Variants in ADGRB3 observed in about 807,000 individuals in gnomAD.
ADGRB3 encodes the protein brain-specific angiogenesis inhibitor 3.
ADGRB3 carries 37 observed loss-of-function variants against 193.4 expected under a neutral mutation model. The ratio of observed to expected loss-of-function variants is 0.19; its 90% confidence interval spans 0.15 to 0.25. The LOEUF is 0.25. ADGRB3 is among the 10% of genes least tolerant of loss of function. The pLI, the probability that ADGRB3 is intolerant of heterozygous loss-of-function variation, is 1.00. For synonymous variants in ADGRB3, 690 were observed against 644.2 expected (o/e 1.07, Z -1.08); for missense variants, 1,637 against 1,852.9 (o/e 0.88, Z 2.14).
chr6:69,090,013 G>T (rs1414240853), intron 17 of ADGRB3, among the ~76,000 whole-genome samples: 1 of 152,174 alleles, frequency 6.6e-6, no homozygotes, highest in African/African-American at 2.4e-5. Flanking sequence ...TAAGTACTGT[G>T]TGCATTTTTG....
At chr6:69,001,457 A>G (rs2150279082) in intron 11 of ADGRB3, among the ~76,000 whole-genome samples, 1 of 152,348 alleles carries the variant, frequency 6.6e-6, no homozygotes. Context: ...ATTTTTAGAA[A>G]GATGGTCTGA....
At chr6:68,920,614 G>A (rs533338695) in intron 3 of ADGRB3, among the ~76,000 whole-genome samples, 48 of 151,280 alleles carry the variant, frequency 3.2e-4, no homozygotes, top group South Asian at 2.3e-3. Flanking sequence ...CTACGAGTGA[G>A]TAGAGAAGTA....
intron 3 of ADGRB3, among the ~76,000 whole-genome samples, chr6:68,925,207 A>G (rs1337978575): frequency 1.3e-5 from 2 of 151,970 alleles, no homozygotes; most frequent in South Asian, 4.1e-4. Context: ...TAACATTTTT[A>G]AACACTATTA....
At chr6:68,643,152 A>G (rs1414450024) in intron 3 of ADGRB3, among the ~76,000 whole-genome samples, 1 of 152,182 alleles carries the variant, frequency 6.6e-6, no homozygotes, top group Non-Finnish European at 1.5e-5. Flanking sequence ...GGATCTCTGT[A>G]TAGATTCCAG....
chr6:69,224,841 C>T (rs559694029), intron 17 of ADGRB3, among the ~76,000 whole-genome samples: 1 of 152,204 alleles, frequency 6.6e-6, no homozygotes, highest in Non-Finnish European at 1.5e-5. Flanking sequence ...CTTAAAATTA[C>T]ATAAATTAAA....
chr6:69,387,233 A>G (rs2127243940), intron 31 of ADGRB3, among the ~76,000 whole-genome samples: 1 of 152,208 alleles, frequency 6.6e-6, no homozygotes, highest in Middle Eastern at 3.4e-3. Flanking sequence ...GCTGATTATG[A>G]CTTCATCCTC....
chr6:69,370,510 C>T (rs987664083), intron 29 of ADGRB3, among the ~76,000 whole-genome samples: 1 of 151,984 alleles, frequency 6.6e-6, no homozygotes, highest in Non-Finnish European at 1.5e-5. Flanking sequence ...TCTGCTATGC[C>T]TTATGTTAGA....
intron 17 of ADGRB3, among the ~76,000 whole-genome samples, chr6:69,227,098 C>A (rs1193118464): frequency 1.3e-5 from 2 of 152,122 alleles, no homozygotes; most frequent in Non-Finnish European, 2.9e-5. Context: ...GTGATAACAT[C>A]TCTGATAGGA....
chr6:69,356,605 T>C (rs1769342540), intron 28 of ADGRB3, among the ~76,000 whole-genome samples: 1 of 152,064 alleles, frequency 6.6e-6, no homozygotes, highest in Non-Finnish European at 1.5e-5. Context: ...GACATAAGAT[T>C]TCCATTCCAC....
intron 3 of ADGRB3, among the ~76,000 whole-genome samples, chr6:68,796,591 C>T (rs1462639288): frequency 6.6e-6 from 1 of 152,082 alleles, no homozygotes; most frequent in Non-Finnish European, 1.5e-5. Flanking sequence ...TATGTTTGCC[C>T]ATCTTTGAGG....
chr6:68,939,731 C>T (rs973997093), intron 5 of ADGRB3, among the ~76,000 whole-genome samples: 15 of 151,934 alleles, frequency 9.9e-5, no homozygotes, highest in Non-Finnish European at 5.9e-5. Context: ...CTAACATATC[C>T]TGAAAATAGT....
intron 3 of ADGRB3, among the ~76,000 whole-genome samples, chr6:68,765,499 A>G (rs937863922): frequency 1.3e-5 from 2 of 150,808 alleles, no homozygotes; most frequent in Non-Finnish European, 3.0e-5. Flanking sequence ...TTAGATCATC[A>G]TTGCAAAAAC....
intron 24 of ADGRB3, among the ~76,000 whole-genome samples, chr6:69,336,150 C>T (rs547764737): frequency 1.4e-4 from 21 of 151,818 alleles, no homozygotes; most frequent in Admixed American, 1.2e-3. Flanking sequence ...ATTTTATACT[C>T]AGGTATTAAG....
intron 17 of ADGRB3, among the ~76,000 whole-genome samples, chr6:69,082,904 A>T (rs533389929): frequency 3.3e-5 from 5 of 152,194 alleles, no homozygotes; most frequent in Non-Finnish European, 7.4e-5. Context: ...TCCTCCAAAA[A>T]CAATTCGTAT....
intron 15 of ADGRB3, among the ~76,000 whole-genome samples, chr6:69,054,081 G>A (rs1348093510): frequency 1.3e-5 from 2 of 152,106 alleles, no homozygotes; most frequent in Non-Finnish European, 1.5e-5. Flanking sequence ...TAACATTAAA[G>A]ACATTATAAA....
intron 16 of ADGRB3, among the ~76,000 whole-genome samples, chr6:69,067,358 T>A (rs1391004369): frequency 6.6e-6 from 1 of 152,182 alleles, no homozygotes; most frequent in Non-Finnish European, 1.5e-5. Flanking sequence ...TTGTTTTATG[T>A]GTATAAACCA....
intron 17 of ADGRB3, among the ~76,000 whole-genome samples, chr6:69,147,889 T>C (rs1052225621): frequency 1.3e-5 from 2 of 152,210 alleles, no homozygotes; most frequent in Non-Finnish European, 2.9e-5. Flanking sequence ...TTTATTATTA[T>C]ATAATGACCT....
intron 24 of ADGRB3, among the ~76,000 whole-genome samples, chr6:69,337,748 C>A (rs1425137579): frequency 6.6e-6 from 1 of 152,158 alleles, no homozygotes; most frequent in Non-Finnish European, 1.5e-5. Context: ...TAATCACTTT[C>A]AGATTTATTA....
At chr6:69,242,884 C>T (rs1766414564) in intron 20 of ADGRB3, among the ~76,000 whole-genome samples, 2 of 151,758 alleles carry the variant, frequency 1.3e-5, no homozygotes, top group African/African-American at 4.8e-5. Context: ...TCCTTTACAC[C>T]TTTAAGTATG....
Sources: gnomAD v4.1 joint callset for allele counts (sites outside exome capture counted in the v4.1 genomes callset) on GRCh38, gnomAD v4.1.1 for gene constraint, MANE v1.5 for transcripts, NCBI Gene and HGNC (gene_info 2026-07-23, HGNC 2026-07-21) for gene names.